SORCS1: variants seen among roughly 807,000 people sequenced by gnomAD.
SORCS1 encodes VPS10 domain-containing receptor SorCS1.
In SORCS1, 60 loss-of-function variants were observed where a neutral mutation model predicts 146.1. The ratio of observed to expected loss-of-function variants is 0.41; its 90% CI spans 0.33 to 0.51. The LOEUF (loss-of-function observed/expected upper bound fraction) is 0.51. SORCS1 is among the 20% of genes least tolerant of loss of function. The pLI is 0.21. For missense variants in SORCS1, 1,352 were observed against 1,487.6 expected, an observed-to-expected ratio of 0.91 and a Z score of 1.50; for synonymous variants, 637 against 584.0, an observed-to-expected ratio of 1.09 and a Z score of -1.31.
chr10:106,813,624 T>C (rs189403766), intron 3 of SORCS1, among the ~76,000 whole-genome samples: 68 of 152,294 alleles, frequency 4.5e-4, no homozygotes, highest in African/African-American at 1.5e-3. Flanking sequence ...TGATTATTGT[T>C]GGCAACTCTA....
intron 2 of SORCS1, among the ~76,000 whole-genome samples, chr10:106,950,470 C>T (rs1954621374): frequency 6.6e-6 from 1 of 152,152 alleles, no homozygotes; most frequent in African/African-American, 2.4e-5. Context: ...GTGCACGTAT[C>T]TACTTGTTGG....
intron 1 of SORCS1, among the ~76,000 whole-genome samples, chr10:106,991,554 A>C (rs1589869404): frequency 6.6e-6 from 1 of 152,242 alleles, no homozygotes; most frequent in South Asian, 2.1e-4. Context: ...TGTCAGCTTC[A>C]CTGACAAAAG....
chr10:107,000,546 G>T (rs1032862688), intron 1 of SORCS1, among the ~76,000 whole-genome samples: 6 of 151,422 alleles, frequency 4.0e-5, no homozygotes, highest in Admixed American at 6.6e-5. Context: ...GGTGGAGGTT[G>T]CAGTGAGCTG....
rs1046149930 is a variant in SORCS1 at position 106,674,958 on chromosome 10, C to T, written c.1940+91G>A. The T allele has an allele frequency of 7.1e-6, 7 of 990,244 alleles. No homozygotes were observed. In the East Asian group the frequency reaches 1.7e-4, roughly 24 times the overall value. The allele number at this position is 990,244 out of a possible 1,614,324, so 61.3% of individuals were successfully genotyped here. On this transcript the variant is annotated intron_variant, in intron 14 of 25. Coordinates refer to ENST00000263054, the MANE Select transcript of SORCS1 (RefSeq NM_052918.5). ...TAAGATGCAACAACCTTGAACCTAA[C>T]AGCTGCAAATCAAACAGGCTTAGCT...
chr10:106,676,218 C>T (rs367730640), intron 13 of SORCS1, among the ~76,000 whole-genome samples: 3 of 152,102 alleles, frequency 2.0e-5, no homozygotes, highest in East Asian at 1.9e-4. Flanking sequence ...AACTCATATA[C>T]GGAGAGAACC....
chr10:107,040,443 G>A (rs1191816652), intron 1 of SORCS1, among the ~76,000 whole-genome samples: 1 of 152,128 alleles, frequency 6.6e-6, no homozygotes. Flanking sequence ...GAACATTTGT[G>A]AATTCACCCC....
rs186328271 is a variant in SORCS1, at chr10:106,598,215, G to A, written c.3166-765C>T. ...TGTTGAGGAATTTCTGAAAAGTTACGGGGATAACAACACTCCTATTATATT... is the reference window on the plus strand; with the variant it reads ...TGTTGAGGAATTTCTGAAAAGTTACAGGGATAACAACACTCCTATTATATT... On this transcript the variant is annotated intron_variant, in intron 23 of 25. Coordinates refer to ENST00000263054, the MANE Select transcript of SORCS1 (RefSeq NM_052918.5). Among the ~76,000 whole-genome samples, 125 of 148,952 alleles carry A rather than the reference G, an allele frequency of 8.4e-4. No homozygotes were observed. The East Asian group carries it at 0.02, about 24-fold the overall frequency.
intron 24 of SORCS1, among the ~76,000 whole-genome samples, chr10:106,582,895 C>CT (rs1475635087): frequency 1.3e-5 from 2 of 152,174 alleles, no homozygotes; most frequent in African/African-American, 4.8e-5. Context: ...CAACAATCTT[C>CT]TTGTGAAAAG....
At chr10:106,952,989 T>A (rs1372997383) in intron 2 of SORCS1, among the ~76,000 whole-genome samples, 1 of 151,806 alleles carries the variant, frequency 6.6e-6, no homozygotes, top group Non-Finnish European at 1.5e-5. Context: ...TCTCAAATAC[T>A]ACTACTACTA....
intron 24 of SORCS1, among the ~76,000 whole-genome samples, chr10:106,581,322 TACACACACACACACACAC>T (rs3044191): frequency 8.4e-5 from 12 of 142,446 alleles, no homozygotes; most frequent in Non-Finnish European, 1.1e-4. Context: ...TCGTCATACA[TACACACACACACACACAC>T]ACACACACAC....
At chr10:107,087,237 G>C (rs573920898) in intron 1 of SORCS1, among the ~76,000 whole-genome samples, 1 of 152,092 alleles carries the variant, frequency 6.6e-6, no homozygotes, top group South Asian at 2.1e-4. Context: ...CATTTGGCTT[G>C]TCCCCTCAAA....
chr10:106,910,208 C>T (rs913121428), intron 2 of SORCS1, among the ~76,000 whole-genome samples: 1 of 151,888 alleles, frequency 6.6e-6, no homozygotes, highest in African/African-American at 2.4e-5. Flanking sequence ...GCTCTGGATA[C>T]AAGAAGGCTG....
intron 1 of SORCS1, among the ~76,000 whole-genome samples, chr10:107,092,886 A>G (rs1964294679): frequency 1.3e-5 from 2 of 148,936 alleles, no homozygotes; most frequent in African/African-American, 5.0e-5. Flanking sequence ...AGACCATGAA[A>G]AAAAAAAAAA....
intron 3 of SORCS1, among the ~76,000 whole-genome samples, chr10:106,814,230 A>G (rs1320458901): frequency 6.6e-6 from 1 of 152,262 alleles, no homozygotes; most frequent in Admixed American, 6.5e-5. Context: ...ACATAAGGCA[A>G]CTTAAAAATA....
intron 24 of SORCS1, among the ~76,000 whole-genome samples, chr10:106,587,021 C>T (rs1333936598): frequency 1.3e-5 from 2 of 152,112 alleles, no homozygotes; most frequent in Admixed American, 6.5e-5. Context: ...CACATTTAAT[C>T]ATATTGCGGG....
At chr10:107,160,460 C>A (rs1969616258) in intron 1 of SORCS1, among the ~76,000 whole-genome samples, 1 of 152,136 alleles carries the variant, frequency 6.6e-6, no homozygotes, top group East Asian at 1.9e-4. Flanking sequence ...GCATCTACCC[C>A]AAAAGTTGGC....
At chr10:106,708,427 G>A (rs1022986428) in intron 7 of SORCS1, among the ~76,000 whole-genome samples, 2 of 152,018 alleles carry the variant, frequency 1.3e-5, no homozygotes, top group Non-Finnish European at 2.9e-5. Flanking sequence ...ATATATATAT[G>A]TATACTTTTA....
intron 2 of SORCS1, among the ~76,000 whole-genome samples, chr10:106,931,157 TA>T (rs1309634231): frequency 6.6e-6 from 1 of 152,230 alleles, no homozygotes; most frequent in Non-Finnish European, 1.5e-5. Flanking sequence ...CTTCTTCTCC[TA>T]GAAGACTCTC....
intron 1 of SORCS1, among the ~76,000 whole-genome samples, chr10:107,086,960 C>T (rs1032792990): frequency 3.3e-5 from 5 of 152,264 alleles, no homozygotes; most frequent in East Asian, 1.9e-4. Flanking sequence ...ACCTGGGAGG[C>T]GGAGCTTGCA....
Sources: gnomAD v4.1 joint callset for allele counts (sites outside exome capture counted in the v4.1 genomes callset) on GRCh38, gnomAD v4.1.1 for gene constraint, MANE v1.5 for transcripts, NCBI Gene and HGNC (gene_info 2026-07-23, HGNC 2026-07-21) for gene names.